Variants in PTH2R observed in about 807,000 individuals in gnomAD.
PTH2R encodes parathyroid hormone 2 receptor, also known as PTH2 receptor.
A neutral mutation model predicts 60.3 loss-of-function variants in PTH2R; 59 were observed. That is an observed-to-expected ratio of 0.98 (90% CI 0.79 to 1.22). The LOEUF (loss-of-function observed/expected upper bound fraction) is 1.22, where lower values mean the gene tolerates loss of function less well. PTH2R is among the 50% of genes most tolerant of loss of function. The probability of loss-of-function intolerance (pLI) is 0.00; values close to 1 mark genes in which losing one functional copy is unlikely to be tolerated. For missense variants in PTH2R, 749 were observed against 682.6 expected, an observed-to-expected ratio of 1.10 and a Z score of -1.08; for synonymous variants, 256 against 243.8, an observed-to-expected ratio of 1.05 and a Z score of -0.47.
chr2:208,388,049 C>A (rs1472002878), intron 1 of PTH2R, among the ~76,000 whole-genome samples: 4 of 151,788 alleles, frequency 2.6e-5, no homozygotes, highest in Non-Finnish European at 5.9e-5. Flanking sequence ...GTGGCTCACA[C>A]CTGTAATCCC....
chr2:208,450,909 C>A (rs1367940814), intron 8 of PTH2R, 100 bp downstream of exon 8: 20 of 1,310,798 alleles, frequency 1.5e-5, no homozygotes, highest in Non-Finnish European at 2.0e-5. Context: ...GATGCCATTG[C>A]TTTTTAGGGA....
chr2:208,411,383 A>C (rs940978416), intron 1 of PTH2R, among the ~76,000 whole-genome samples: 3 of 152,186 alleles, frequency 2.0e-5, no homozygotes, highest in Non-Finnish European at 4.4e-5. Flanking sequence ...AACGAGGACT[A>C]TTTCCATTTG....
chr2:208,461,947 G>C (rs759700305), intron 9 of PTH2R, among the ~76,000 whole-genome samples: 5 of 152,204 alleles, frequency 3.3e-5, no homozygotes, highest in Admixed American at 1.3e-4. Flanking sequence ...TAATGTAGAA[G>C]GCCATTTTCA....
Position 208,444,760 on chromosome 2 carries a change from G to A in PTH2R, c.726G>A (p.Met242Ile), listed in dbSNP as rs771521525. Residue 242 changes from methionine (M) to isoleucine (I), a missense_variant, in exon 7 of 13, where the codon ATG (methionine) becomes ATA (isoleucine). By Grantham distance (10) the Met-to-Ile change is conservative (BLOSUM62 1). Coordinates refer to ENST00000272847, the MANE Select transcript of PTH2R (RefSeq NM_005048.4). Reference protein sequence around the residue: ...QYIGCKIAVVMFIYFLATNYY... With the variant: ...QYIGCKIAVVIFIYFLATNYY... ...TCGGGTGCAAGATTGCTGTTGTGAT[G>A]TTTATTTACTTCCTGGCTACAAATT... The A allele has an allele frequency of 1.0e-4, 168 of 1,613,664 alleles. No homozygotes were observed. Among genetic ancestry groups the A allele is most frequent in the Non-Finnish European group, 1.4e-4 (162 of 1,179,828 alleles).
intron 1 of PTH2R, among the ~76,000 whole-genome samples, chr2:208,427,288 ATGGG>A (rs1382474038): frequency 3.9e-5 from 6 of 152,228 alleles, no homozygotes; most frequent in Non-Finnish European, 2.9e-5. Flanking sequence ...TAGAGAACGA[ATGGG>A]AAGGAGTCAA....
chr2:208,424,424 T>C (rs1701816840), intron 1 of PTH2R, among the ~76,000 whole-genome samples: 1 of 152,128 alleles, frequency 6.6e-6, no homozygotes, highest in Admixed American at 6.5e-5. Flanking sequence ...TTTGGAAAAA[T>C]TTCTTGCGAT....
intron 5 of PTH2R, among the ~76,000 whole-genome samples, chr2:208,443,144 G>A (rs1702220437): frequency 6.6e-6 from 1 of 152,158 alleles, no homozygotes; most frequent in South Asian, 2.1e-4. Context: ...AAAGTAACAA[G>A]ATGATGTACA....
At chr2:208,375,570 A>C (rs1559201629) in intron 1 of PTH2R, among the ~76,000 whole-genome samples, 1 of 152,144 alleles carries the variant, frequency 6.6e-6, no homozygotes, top group Non-Finnish European at 1.5e-5. Flanking sequence ...TTTAGAATAA[A>C]GTGGCCAGAA....
chr2:208,481,834 C>G (rs1279297630), intron 10 of PTH2R, among the ~76,000 whole-genome samples: 1 of 152,124 alleles, frequency 6.6e-6, no homozygotes, highest in African/African-American at 2.4e-5. Flanking sequence ...TGTTTTTAAT[C>G]TTTACATCAA....
chr2:208,493,876 GT>G lies in PTH2R; in HGVS notation c.*221del. The stretch of plus-strand genomic sequence containing the variant: ...GTTTATTACCTTCTATTGGCATCAA[GT>G]TTTCCTCTAAATTAATGTATGGTAT... On this transcript the variant is annotated 3_prime_UTR_variant, in exon 13 of 13. Coordinates refer to ENST00000272847, the MANE Select transcript of PTH2R (RefSeq NM_005048.4). The G allele has an allele frequency of 2.4e-6, 1 of 418,298 alleles. No homozygotes were observed. Among genetic ancestry groups the G allele is most frequent in the Non-Finnish European group, 4.2e-6 (1 of 239,030 alleles). 25.9% of individuals were successfully genotyped at this position (418,298 alleles called of 1,614,324 possible). A position where few individuals can be genotyped will look rare whatever the true frequency, so the allele number is the denominator to read the frequency against.
At chr2:208,421,293 A>T (rs1233772103) in intron 1 of PTH2R, among the ~76,000 whole-genome samples, 1 of 152,070 alleles carries the variant, frequency 6.6e-6, no homozygotes, top group Non-Finnish European at 1.5e-5. Context: ...TGATCTTCAG[A>T]TTTAGTTTGA....
chr2:208,411,649 G>C (rs1280725591), intron 1 of PTH2R, among the ~76,000 whole-genome samples: 1 of 152,132 alleles, frequency 6.6e-6, no homozygotes. Context: ...ACTTCAATTG[G>C]TTTTGTCATC....
chr2:208,373,606 C>T (rs11893137), intron 1 of PTH2R, among the ~76,000 whole-genome samples: 5,043 of 152,108 alleles, frequency 0.033, 106 homozygotes, highest in Middle Eastern at 0.058. Context: ...AGGGTATTTG[C>T]AGGGAGATTG....
intron 1 of PTH2R, among the ~76,000 whole-genome samples, chr2:208,425,387 A>G (rs1701836770): frequency 6.6e-6 from 1 of 152,196 alleles, no homozygotes; most frequent in South Asian, 2.1e-4. Flanking sequence ...TACCATTGCC[A>G]TGGCAACACT....
chr2:208,443,228 G>A, intron 5 of PTH2R, 120 bp from the exon 6 acceptor site: 1 of 789,852 alleles, frequency 1.3e-6, no homozygotes, highest in Non-Finnish European at 1.9e-6. Context: ...TTTGTGTGGA[G>A]TCTCGAACCA....
At chr2:208,487,299 T>C (rs1703294713) in intron 10 of PTH2R, among the ~76,000 whole-genome samples, 1 of 152,196 alleles carries the variant, frequency 6.6e-6, no homozygotes, top group South Asian at 2.1e-4. Flanking sequence ...TCTGTAGCCT[T>C]AGTCTAGTGT....
chr2:208,421,365 GGTGTGTGTGT>G (rs10567822), intron 1 of PTH2R, among the ~76,000 whole-genome samples: 1 of 147,954 alleles, frequency 6.8e-6, no homozygotes, highest in Admixed American at 6.8e-5. Context: ...TCATATTGGG[GGTGTGTGTGT>G]GTGTGTGTGT....
chr2:208,486,406 T>G (rs896353504), intron 10 of PTH2R, among the ~76,000 whole-genome samples: 1 of 152,210 alleles, frequency 6.6e-6, no homozygotes, highest in Non-Finnish European at 1.5e-5. Flanking sequence ...TTATTCTGCA[T>G]TGAACCAAAC....
rs1346919646 is a variant in PTH2R, at chr2:208,379,388, ATACT to A, written c.-259+19154_-259+19157del. ...AGAAAGAATTCCTGGAACAAGTGAAATACTTAATAATTAATTCAGCCTGTATTTC... is the reference window on the plus strand; with the variant it reads ...AGAAAGAATTCCTGGAACAAGTGAAATAATAATTAATTCAGCCTGTATTTC... On this transcript the variant is annotated intron_variant, in intron 1 of 12. Coordinates refer to the PTH2R transcript ENST00000617735. Among the ~76,000 whole-genome samples, 8 of 152,250 alleles carry A rather than the reference ATACT, an allele frequency of 5.3e-5. No individual in the cohort carries two copies. In the South Asian group the frequency reaches 1.5e-3, roughly 28 times the overall value.
Sources: allele counts gnomAD v4.1 joint callset (sites outside exome capture counted in the v4.1 genomes callset), GRCh38; gene constraint gnomAD v4.1.1; transcripts MANE v1.5; gene names NCBI Gene and HGNC (gene_info 2026-07-23, HGNC 2026-07-21).